GAS2: variants seen among roughly 807,000 people sequenced by gnomAD.
GAS2 encodes the protein growth arrest specific 2.
A neutral mutation model predicts 37.5 loss-of-function variants in GAS2; 20 were observed. That is an observed-to-expected ratio of 0.53 (90% confidence interval 0.37 to 0.77). The LOEUF is 0.77. GAS2 is among the 30% of genes least tolerant of loss of function. The pLI, the probability that GAS2 is intolerant of heterozygous loss-of-function variation, is 0.00. For synonymous variants in GAS2, 144 were observed against 132.2 expected, an observed-to-expected ratio of 1.09 and a Z score of -0.61; for missense variants, 336 against 373.4, an observed-to-expected ratio of 0.90 and a Z score of 0.82.
chr11:22,734,341 T>G (rs1481354868), intron 4 of GAS2, among the ~76,000 whole-genome samples: 1 of 151,738 alleles, frequency 6.6e-6, no homozygotes, highest in African/African-American at 2.4e-5. Context: ...TCTTTACATG[T>G]TGGCCAAATT....
chr11:22,685,922 G>T, intron 3 of GAS2, 133 bp downstream of exon 3: 1 of 677,082 alleles, frequency 1.5e-6, no homozygotes, highest in East Asian at 3.1e-5. Flanking sequence ...AGTACAGAGA[G>T]TTCTTTTTAA....
intron 5 of GAS2, among the ~76,000 whole-genome samples, chr11:22,739,572 CAAAAAAAAAAAAAAAA>C (rs71037525): frequency 3.1e-5 from 2 of 64,650 alleles, no homozygotes; most frequent in African/African-American, 1.0e-4. Context: ...GATTCGCTCT[CAAAAAAAAAAAAAAAA>C]AAAAAAAAAG....
intron 1 of GAS2, among the ~76,000 whole-genome samples, chr11:22,649,760 G>A (rs1459159944): frequency 5.9e-5 from 9 of 151,944 alleles, no homozygotes; most frequent in Non-Finnish European, 1.3e-4. Flanking sequence ...GATCGGTGGT[G>A]ATATCCCCTT....
chr11:22,740,581 A>C (rs1198643113), intron 5 of GAS2, among the ~76,000 whole-genome samples: 2 of 152,216 alleles, frequency 1.3e-5, no homozygotes, highest in Non-Finnish European at 2.9e-5. Flanking sequence ...GAATGTCTTA[A>C]GTTTCTCTCT....
rs997690967 is a variant in GAS2 at position 22,644,884 on chromosome 11, A to G, written c.-21+19071A>G. 2.6e-5 allele frequency among the ~76,000 whole-genome samples: 4 copies of G among 152,158 alleles called. No individual in the cohort carries two copies. In the East Asian group the frequency reaches 7.7e-4, roughly 29 times the overall value. On this transcript the variant is annotated intron_variant, in intron 1 of 5. Coordinates refer to the GAS2 transcript ENST00000528582. ...AGTGATCTGCCTGCCTAAGCCTCCC[A>G]AAGTGCTGGGATTACAGGCATGAGC...
chr11:22,669,697 G>T (rs567082959), intron 1 of GAS2, among the ~76,000 whole-genome samples: 2 of 152,098 alleles, frequency 1.3e-5, no homozygotes, highest in African/African-American at 4.8e-5. Flanking sequence ...TGAATATATC[G>T]TTATTGTAAG....
chr11:22,699,286 G>C (rs1850703890), intron 3 of GAS2, among the ~76,000 whole-genome samples: 1 of 152,110 alleles, frequency 6.6e-6, no homozygotes, highest in Non-Finnish European at 1.5e-5. Context: ...AGTCTTTACT[G>C]TACCCCTTCC....
chr11:22,726,205 G>A lies in GAS2; in HGVS notation c.268-87G>A, dbSNP rs568403113. On this transcript the variant is annotated intron_variant, in intron 3 of 7. Transcript: ENST00000454584. ...CTACTTATTGGCATGAGGTAATTCC[G>A]AAGCATTTTGTTGAAAACATGTTTT... 61 of 1,366,786 alleles carry A rather than the reference G, an allele frequency of 4.5e-5. 1 individual carries two copies. The highest frequency in any genetic ancestry group is 5.9e-5 in the African/African-American group (4 of 68,270). 84.7% of individuals were successfully genotyped at this position (1,366,786 alleles called of 1,614,324 possible).
chr11:22,746,865 A>G (rs1374449925), intron 5 of GAS2, among the ~76,000 whole-genome samples: 1 of 152,200 alleles, frequency 6.6e-6, no homozygotes, highest in Non-Finnish European at 1.5e-5. Flanking sequence ...AGTTGAAATT[A>G]TTTAAAAAAT....
At chr11:22,687,545 G>A (rs960122251) in intron 3 of GAS2, among the ~76,000 whole-genome samples, 1 of 152,164 alleles carries the variant, frequency 6.6e-6, no homozygotes, top group African/African-American at 2.4e-5. Flanking sequence ...TGGCTAGTAA[G>A]TGACCAAGCA....
chr11:22,634,463 C>T (rs773962353), intron 1 of GAS2, among the ~76,000 whole-genome samples: 8 of 152,330 alleles, frequency 5.3e-5, no homozygotes, highest in Non-Finnish European at 1.0e-4. Context: ...ACTTTCTCCA[C>T]TGAGCCCCAC....
chr11:22,669,526 G>A (rs1370125933), intron 1 of GAS2, among the ~76,000 whole-genome samples: 1 of 152,134 alleles, frequency 6.6e-6, no homozygotes, highest in Non-Finnish European at 1.5e-5. Flanking sequence ...AGATGGGACT[G>A]TGGGATAAGA....
chr11:22,715,460 CA>C (rs1192862614), intron 3 of GAS2, among the ~76,000 whole-genome samples: 18 of 41,754 alleles, frequency 4.3e-4, no homozygotes, highest in African/African-American at 1.9e-3. Flanking sequence ...GACTCTGTCT[CA>C]AAAAAAAAAA....
chr11:22,638,007 C>T (rs545825538), intron 1 of GAS2, among the ~76,000 whole-genome samples: 1 of 151,934 alleles, frequency 6.6e-6, no homozygotes. Flanking sequence ...TTGCTTTCAT[C>T]TAAATGCACC....
chr11:22,774,703 T>C (rs888069004), intron 7 of GAS2, among the ~76,000 whole-genome samples: 1 of 152,190 alleles, frequency 6.6e-6, no homozygotes, highest in African/African-American at 2.4e-5. Context: ...CTTTCATGAA[T>C]CTTTCATGCA....
intron 3 of GAS2, among the ~76,000 whole-genome samples, chr11:22,687,765 A>T (rs1189571461): frequency 1.3e-5 from 2 of 152,226 alleles, no homozygotes. Flanking sequence ...TAATGCCGAT[A>T]AGAGGACAAC....
At chr11:22,711,769 G>A (rs576542463) in intron 3 of GAS2, among the ~76,000 whole-genome samples, 3 of 152,256 alleles carry the variant, frequency 2.0e-5, no homozygotes, top group East Asian at 1.9e-4. Context: ...CAATGCAGCA[G>A]AGGCAGCCAT....
At chr11:22,709,912 CA>C (rs1317026048) in intron 3 of GAS2, among the ~76,000 whole-genome samples, 12 of 145,258 alleles carry the variant, frequency 8.3e-5, no homozygotes, top group African/African-American at 3.1e-4. Flanking sequence ...ATTGCAAGGA[CA>C]AAAAAACCAA....
At chr11:22,637,241 T>C (rs1328134803) in intron 1 of GAS2, among the ~76,000 whole-genome samples, 2 of 58,474 alleles carry the variant, frequency 3.4e-5, no homozygotes, top group African/African-American at 1.3e-4. Flanking sequence ...TAATATTAAT[T>C]ATATTAATAG....
Sources: gnomAD v4.1 joint callset for allele counts (sites outside exome capture counted in the v4.1 genomes callset) on GRCh38, gnomAD v4.1.1 for gene constraint, MANE v1.5 for transcripts, NCBI Gene and HGNC (gene_info 2026-07-23, HGNC 2026-07-21) for gene names.